The following KRT78 variants were observed in gnomAD, a reference collection of about 807,000 sequenced individuals.
KRT78 encodes keratin 78.
A neutral mutation model predicts 51.4 loss-of-function variants in KRT78; 55 were observed. The observed-to-expected ratio is 1.07, with a 90% CI of 0.86 to 1.34. The LOEUF (loss-of-function observed/expected upper bound fraction) is 1.34. Among genes scored for constraint, KRT78 ranks in the 40% most tolerant of loss-of-function variants. The probability of loss-of-function intolerance (pLI) is 0.00; values close to 1 mark genes in which losing one functional copy is unlikely to be tolerated. For missense variants in KRT78, 652 were observed against 649.4 expected, an observed-to-expected ratio of 1.00 and a Z score of -0.04; for synonymous variants, 291 against 264.3, an observed-to-expected ratio of 1.10 and a Z score of -0.98.
At chr12:52,842,181 C>T (rs1299012460) in intron 6 of KRT78, among the ~76,000 whole-genome samples, 1 of 141,816 alleles carries the variant, frequency 7.1e-6, no homozygotes, top group Admixed American at 6.7e-5. Context: ...ACTCCAAGAA[C>T]CCTCCCCAGA....
chr12:52,839,267 C>A lies in KRT78; in HGVS notation c.1409G>T (p.Ser470Ile). ...GATGTTGGAGCCTCCAGTCACAATG[C>A]TGGTGCAGCAGGACCCAGGGCTGCC... The part of the protein sequence containing the change: ...GKGSPGSCCT[S>I]IVTGGSNIIL... The change falls in exon 9 of 9, where the codon AGC (serine) becomes ATC (isoleucine). Residue 470 changes from serine (S) to isoleucine (I), a missense_variant. Physicochemically the swap from Ser to Ile is moderately radical, Grantham distance 142. Coordinates refer to ENST00000304620, the MANE Select transcript of KRT78 (RefSeq NM_173352.4). 1.2e-6 allele frequency: 2 copies of A among 1,612,350 alleles called. No individual in the cohort carries two copies. Among genetic ancestry groups the A allele is most frequent in the Non-Finnish European group, 1.7e-6 (2 of 1,179,244 alleles).
intron 2 of KRT78, 84 bp downstream of exon 2, chr12:52,847,823 G>A: frequency 4.9e-6 from 6 of 1,224,290 alleles, no homozygotes; most frequent in Non-Finnish European, 7.1e-6. Context: ...TGCTCAGTAT[G>A]TGGGACACCT....
intron 6 of KRT78, 64 bp downstream of exon 6, chr12:52,844,029 A>C (rs1940579333): frequency 1.3e-6 from 2 of 1,590,942 alleles, no homozygotes; most frequent in Non-Finnish European, 1.7e-6. Context: ...GAAGCTAGGA[A>C]CTGGGAAGTG....
At chr12:52,844,431 C>T (rs2120412851) in intron 5 of KRT78, 128 bp downstream of exon 5, 1 of 1,252,744 alleles carries the variant, frequency 8.0e-7, no homozygotes, top group Non-Finnish European at 1.1e-6. Context: ...GCCCTGCCCA[C>T]CCAGCCCCAG....
intron 1 of KRT78, 141 bp from the exon 2 acceptor site, chr12:52,848,262 G>C: frequency 6.5e-7 from 1 of 1,540,198 alleles, no homozygotes; most frequent in East Asian, 2.4e-5. Flanking sequence ...GAAGCCTCAT[G>C]ACCTTCCATG....
At chr12:52,839,533 A>T (rs774454547) in intron 7 of KRT78, 46 bp from the exon 8 acceptor site, 8 of 1,510,728 alleles carry the variant, frequency 5.3e-6, no homozygotes, top group Non-Finnish European at 7.1e-6. Flanking sequence ...GAATACTACA[A>T]AGAATGCATC....
rs907478051 is a variant in KRT78, at chr12:52,846,893, C to A, written c.600-69G>T. 9.3e-6 allele frequency: 11 copies of A among 1,185,116 alleles called. No homozygotes were observed. The East Asian group carries it at 2.6e-4, about 28-fold the overall frequency. 73.4% of individuals were successfully genotyped at this position (1,185,116 alleles called of 1,614,324 possible). A position where few individuals can be genotyped will look rare whatever the true frequency, so the allele number is the denominator to read the frequency against. Reference sequence around the variant, plus strand: ...CAGAGCTCATGCCCCCATGTCCGAGCATGACCTCCCTGAAAAGGACTCCTT... The same window carrying A: ...CAGAGCTCATGCCCCCATGTCCGAGAATGACCTCCCTGAAAAGGACTCCTT... On this transcript the variant is annotated intron_variant, in intron 2 of 8. Transcript: ENST00000304620.
At position 52,848,869 on chromosome 12, in the gene KRT78, C is replaced by T. The variant is rs764925016; in HGVS notation, c.62G>A (p.Arg21His). The T allele has an allele frequency of 1.4e-5, 23 of 1,609,816 alleles. No individual in the cohort carries two copies. The highest frequency in any genetic ancestry group is 5.3e-5 in the African/African-American group (4 of 74,806). Residue 21 changes from arginine to histidine, a missense_variant, in exon 1 of 9, where the codon CGC (arginine) becomes CAC (histidine). Arg to His is a conservative substitution (Grantham distance 29). Coordinates refer to ENST00000304620, the MANE Select transcript of KRT78 (RefSeq NM_173352.4). ...GFSARSACSA[R>H]SRGRSRGGFS... The stretch of plus-strand genomic sequence containing the variant: ...GCCTCCCCTGCTGCGGCCCCTTGAG[C>T]GAGCAGAACAGGCTGAGCGAGCGCT...
In KRT78 at chr12:52,842,959, G is replaced by GAGAGAGAA. The variant is rs1299063277; in HGVS notation, c.1047+1133_1047+1134insTTCTCTCT. On this transcript the variant is annotated intron_variant, in intron 6 of 8. Coordinates refer to ENST00000304620, the MANE Select transcript of KRT78 (RefSeq NM_173352.4). Reference sequence around the variant, plus strand: ...AGAAAGAGAGAGAGAGAGAGAGAGAGAGGAAGGAAGGAAGGAAGGAAGGAA... The same window carrying GAGAGAGAA: ...AGAAAGAGAGAGAGAGAGAGAGAGAGAGAGAGAAAGGAAGGAAGGAAGGAAGGAAGGAA... 9.0e-3 allele frequency among the ~76,000 whole-genome samples: 479 copies of GAGAGAGAA among 53,486 alleles called. 25 individuals carry two copies. Among genetic ancestry groups the GAGAGAGAA allele is most frequent in the African/African-American group, 0.033 (286 of 8,594 alleles). 35.1% of individuals were successfully genotyped at this position (53,486 alleles called of 152,430 possible).
At position 52,839,780 on chromosome 12, in the gene KRT78, C is replaced by A; in HGVS notation, c.1252G>T (p.Glu418Ter). ...VEIATYRRLL[E>*]GEECRMSGEC... is the part of the protein sequence containing the mutation. The stretch of plus-strand genomic sequence containing the variant: ...CTCCCTCACCTGCACTCCTCGCCCT[C>A]CAGCAGCCTGCGGTAAGTGGCAATC... Residue 418 changes from glutamate to a stop codon, truncating the protein, a stop_gained, in exon 7 of 9, where the codon GAG becomes TAG. Coordinates refer to ENST00000304620, the MANE Select transcript of KRT78 (RefSeq NM_173352.4). LOFTEE classifies it low-confidence loss of function (END_TRUNC). The A allele has an allele frequency of 6.2e-7, 1 of 1,614,034 alleles. No homozygotes were observed. The highest frequency in any genetic ancestry group is 1.1e-5 in the South Asian group (1 of 91,084).
At chr12:52,839,700 C>T in intron 7 of KRT78, 64 bp downstream of exon 7, 4 of 1,497,306 alleles carry the variant, frequency 2.7e-6, no homozygotes, top group Non-Finnish European at 3.7e-6. Context: ...AAGCAGCTCA[C>T]TGTGTTGGCA....
rs1243432842 is a variant in KRT78, at chr12:52,837,977, G to C, written c.*1136C>G. The C allele has an allele frequency of 6.6e-6, 1 of 152,148 alleles. No homozygotes were observed. Among genetic ancestry groups the C allele is most frequent in the Non-Finnish European group, 1.5e-5 (1 of 68,050 alleles). The allele number at this position is 152,148 out of a possible 1,614,324, so 9.4% of individuals were successfully genotyped here. A position where few individuals can be genotyped will look rare whatever the true frequency, so the allele number is the denominator to read the frequency against. ...CTGCTTGATCAAGGTCACACCACTA[G>C]GAAACAGCAGAGCTGGGATTCAAGC... On this transcript the variant is annotated 3_prime_UTR_variant, in exon 9 of 9. Coordinates refer to ENST00000304620, the MANE Select transcript of KRT78 (RefSeq NM_173352.4).
At chr12:52,839,741 A>T in intron 7 of KRT78, 23 bp downstream of exon 7, 2 of 1,603,836 alleles carry the variant, frequency 1.2e-6, no homozygotes, top group Non-Finnish European at 1.7e-6. Flanking sequence ...TCATATTCCC[A>T]GGTCCCTCCA....
At chr12:52,846,900 T>A in intron 2 of KRT78, 76 bp from the exon 3 acceptor site, 1 of 1,139,794 alleles carries the variant, frequency 8.8e-7, no homozygotes. Flanking sequence ...GAGCATGACC[T>A]CCCTGAAAAG....
Position 52,839,112 on chromosome 12 carries a change from C to T in KRT78, c.*1G>A, listed in dbSNP as rs746243718. The T allele has an allele frequency of 6.2e-7, 1 of 1,612,158 alleles. No homozygotes were observed. Among genetic ancestry groups the T allele is most frequent in the South Asian group, 1.1e-5 (1 of 90,752 alleles). On this transcript the variant is annotated 3_prime_UTR_variant, in exon 9 of 9. Coordinates refer to ENST00000304620, the MANE Select transcript of KRT78 (RefSeq NM_173352.4). ...CAGGAAGGAGGTGGCTGCTGGGTCG[C>T]TCAGTAGGTGATGGATGTCTTCAGA...
intron 3 of KRT78, 29 bp downstream of exon 3, chr12:52,846,735 G>A (rs201452484): frequency 8.1e-6 from 13 of 1,603,738 alleles, no homozygotes; most frequent in African/African-American, 4.0e-5. Flanking sequence ...TGCTCAGAAC[G>A]TAAGTGGAGC....
chr12:52,846,731 G>A (rs758284818), intron 3 of KRT78, 33 bp downstream of exon 3: 2 of 1,596,184 alleles, frequency 1.3e-6, no homozygotes, highest in Non-Finnish European at 1.7e-6. Context: ...TGGATGCTCA[G>A]AACGTAAGTG....
intron 6 of KRT78, among the ~76,000 whole-genome samples, chr12:52,843,000 A>AGGAG (rs1940543837): frequency 8.4e-5 from 7 of 83,380 alleles, no homozygotes; most frequent in Admixed American, 3.0e-4. Flanking sequence ...GAAGGAAGGA[A>AGGAG]GGAAGGAAGG....
chr12:52,844,140 G>C lies in KRT78; in HGVS notation c.1000C>G (p.Gln334Glu). 6.2e-7 allele frequency: 1 copy of C among 1,612,210 alleles called. No homozygotes were observed. The highest frequency in any genetic ancestry group is 8.5e-7 in the Non-Finnish European group (1 of 1,179,424). ...TGACTCTGCAGCCTCTGAATCTCTT[G>C]GTGTAGCTGAGAGATCTGGACTTTC... ...ETKVQISQLHQEIQRLQSQTE... is the reference protein window; with the variant it reads ...ETKVQISQLHEEIQRLQSQTE... The change falls in exon 6 of 9, where the codon CAA becomes GAA. Residue 334 changes from glutamine (Q) to glutamate (E), a missense_variant. Gln to Glu is a conservative substitution (Grantham distance 29). Coordinates refer to ENST00000304620, the MANE Select transcript of KRT78 (RefSeq NM_173352.4).
Sources: gnomAD v4.1 joint callset for allele counts (sites outside exome capture counted in the v4.1 genomes callset) on GRCh38, gnomAD v4.1.1 for gene constraint, MANE v1.5 for transcripts, NCBI Gene and HGNC (gene_info 2026-07-23, HGNC 2026-07-21) for gene names.